The following ZDHHC24 variants were observed in gnomAD, a reference collection of about 807,000 sequenced individuals.
The protein encoded by ZDHHC24 is zDHHC palmitoyltransferase 24, also known as probable palmitoyltransferase ZDHHC24.
Under a neutral mutation model 23.2 loss-of-function variants are expected in ZDHHC24, and 17 were observed. That is an observed-to-expected ratio of 0.73 (90% CI 0.50 to 1.10). ZDHHC24 has a LOEUF of 1.10. ZDHHC24 is among the 50% of genes least tolerant of loss of function. ZDHHC24 has a pLI of 0.00. For missense variants in ZDHHC24, 366 were observed against 393.0 expected (o/e 0.93, Z 0.58); for synonymous variants, 186 against 194.5 (o/e 0.96, Z 0.36).
Position 66,539,703 on chromosome 11 carries a change from T to A in ZDHHC24, c.681A>T (p.Thr227=). The change falls in exon 3 of 3, where the codon ACA becomes ACT. Residue 227 remains threonine (T), a synonymous_variant. Coordinates refer to ENST00000310442, the MANE Select transcript of ZDHHC24 (RefSeq NM_207340.3). ...HGMLLLRGQT[T]WEWARGQHSY... ...AGTGCTGGCCCCGAGCCCACTCCCA[T>A]GTGGTCTGGCCCCGCAGCAGCAGCA... 1.9e-6 allele frequency: 3 copies of A among 1,612,398 alleles called. No individual in the cohort carries two copies. In the Admixed American group the frequency reaches 5.0e-5, roughly 27 times the overall value.
intron 4 of ZDHHC24, among the ~76,000 whole-genome samples, chr11:66,521,818 T>TCGC (rs1856234625): frequency 6.9e-6 from 1 of 143,974 alleles, no homozygotes; most frequent in African/African-American, 2.6e-5. Context: ...GGTAGGAGAA[T>TCGC]CGCTTGAACC....
At chr11:66,534,520 G>A (rs1230896875), downstream of ZDHHC24, among the ~76,000 whole-genome samples, 3 of 149,158 alleles carry the variant, frequency 2.0e-5, no homozygotes, top group African/African-American at 4.9e-5. Flanking sequence ...ACTAGAGGCC[G>A]GGTATAGTGG....
Position 66,545,983 on chromosome 11 carries a change from A to G in ZDHHC24, c.21T>C (p.Ala7=). MGQPWA[A]GSTDGAPAQL... is the part of the protein sequence containing the mutation. ...GCGCGGGCGCCCCGTCCGTGCTCCCAGCCGCCCAGGGCTGCCCCATGGCCT... is the reference window on the plus strand; with the variant it reads ...GCGCGGGCGCCCCGTCCGTGCTCCCGGCCGCCCAGGGCTGCCCCATGGCCT... The change falls in exon 1 of 3, where the codon GCT becomes GCC. Residue 7 remains alanine (A), a synonymous_variant. Coordinates refer to ENST00000310442, the MANE Select transcript of ZDHHC24 (RefSeq NM_207340.3). This position sits in a 1 kb window ranked among gnomAD's most constrained non-coding sequence, Gnocchi z 4.5. The G allele has an allele frequency of 7.1e-7, 1 of 1,417,950 alleles. No homozygotes were observed. The highest frequency in any genetic ancestry group is 9.1e-7 in the Non-Finnish European group (1 of 1,100,372). 87.8% of individuals were successfully genotyped at this position (1,417,950 alleles called of 1,614,324 possible). A position where few individuals can be genotyped will look rare whatever the true frequency, so the allele number is the denominator to read the frequency against.
In ZDHHC24 at chr11:66,526,632, A is replaced by G. The variant is rs376220397; in HGVS notation, c.*21+304T>C. Reference sequence around the variant, plus strand: ...AACTGGGGAGGACAAATCCATTTCCACTGTCCACTTCCCTAGGTGGTGGCC... The same window carrying G: ...AACTGGGGAGGACAAATCCATTTCCGCTGTCCACTTCCCTAGGTGGTGGCC... On this transcript the variant is annotated intron_variant, in intron 4 of 4. Transcript: ENST00000526986. The G allele has an allele frequency of 5.6e-6, 9 of 1,614,052 alleles. No homozygotes were observed. The highest frequency in any genetic ancestry group is 1.1e-5 in the South Asian group (1 of 91,086).
intron 3 of ZDHHC24, chr11:66,527,793 A>T (rs796684539): frequency 2.0e-5 from 3 of 152,228 alleles, no homozygotes; most frequent in African/African-American, 7.2e-5. Flanking sequence ...GAGCACACAG[A>T]GGGAGTAAGG....
At chr11:66,541,079 C>T (rs992484598) in intron 2 of ZDHHC24, among the ~76,000 whole-genome samples, 2 of 152,072 alleles carry the variant, frequency 1.3e-5, no homozygotes, top group Non-Finnish European at 2.9e-5. Context: ...CATGAATGTA[C>T]TAAAAGCCAC....
At chr11:66,529,631 C>A in intron 2 of ZDHHC24, 1 of 737,226 alleles carries the variant, frequency 1.4e-6, no homozygotes, top group South Asian at 1.6e-5. Flanking sequence ...AGAGGCAGGG[C>A]GAGGCCACGG....
At chr11:66,527,307 G>T (rs1035199120) in intron 3 of ZDHHC24, among the ~76,000 whole-genome samples, 1 of 151,584 alleles carries the variant, frequency 6.6e-6, no homozygotes, top group African/African-American at 2.4e-5. Flanking sequence ...TTCATTCATC[G>T]TTCGTTCATT....
Position 66,545,335 on chromosome 11 carries a change from G to A in ZDHHC24, c.281+388C>T, listed in dbSNP as rs558586945. ...ATTACAGATGTGAGCCAACGCACCCGGCCTAACCACCTATTTAATATTGAA... is the reference window on the plus strand; with the variant it reads ...ATTACAGATGTGAGCCAACGCACCCAGCCTAACCACCTATTTAATATTGAA... On this transcript the variant is annotated intron_variant, in intron 1 of 2. Coordinates refer to ENST00000310442, the MANE Select transcript of ZDHHC24 (RefSeq NM_207340.3). This position sits in a 1 kb window ranked among gnomAD's most constrained non-coding sequence, Gnocchi z 4.5. Among the ~76,000 whole-genome samples, 35 of 152,192 alleles carry A rather than the reference G, an allele frequency of 2.3e-4. No individual in the cohort carries two copies. Among genetic ancestry groups the A allele is most frequent in the Non-Finnish European group, 4.1e-4 (28 of 68,004 alleles).
intron 3 of ZDHHC24, chr11:66,527,207 C>CAA (rs201003949): frequency 1.8e-3 from 795 of 445,126 alleles, no homozygotes; most frequent in East Asian, 5.3e-3. Context: ...ACTTCTTTCT[C>CAA]AAAAAAAAAA....
At position 66,545,746 on chromosome 11, in the gene ZDHHC24, G is replaced by C. The variant is rs751629540; in HGVS notation, c.258C>G (p.Gly86=). The C allele has an allele frequency of 6.3e-7, 1 of 1,584,624 alleles. No individual in the cohort carries two copies. The highest frequency in any genetic ancestry group is 1.1e-5 in the South Asian group (1 of 87,992). Residue 86 remains glycine (G), a synonymous_variant, in exon 1 of 3, where the codon GGC becomes GGG. Coordinates refer to ENST00000310442, the MANE Select transcript of ZDHHC24 (RefSeq NM_207340.3). This position sits in a 1 kb window ranked among gnomAD's most constrained non-coding sequence, Gnocchi z 4.5. ...DPSIRGVMLA[G]RGLGQGWAYC... is the part of the protein sequence containing the mutation. ...ACGCCCAGCCCTGGCCCAGACCGCGGCCGGCCAGCATCACGCCACGGATGC... is the reference window on the plus strand; with the variant it reads ...ACGCCCAGCCCTGGCCCAGACCGCGCCCGGCCAGCATCACGCCACGGATGC...
In ZDHHC24 at chr11:66,539,697, C is replaced by T. The variant is rs765117639; in HGVS notation, c.687G>A (p.Glu229=). The T allele has an allele frequency of 1.1e-5, 17 of 1,612,118 alleles. No individual in the cohort carries two copies. In the Admixed American group the frequency reaches 2.8e-4, roughly 27 times the overall value. ...MLLLRGQTTW[E]WARGQHSYDL... is the part of the protein sequence containing the mutation. Reference sequence around the variant, plus strand: ...CATAGGAGTGCTGGCCCCGAGCCCACTCCCATGTGGTCTGGCCCCGCAGCA... The same window carrying T: ...CATAGGAGTGCTGGCCCCGAGCCCATTCCCATGTGGTCTGGCCCCGCAGCA... The change falls in exon 3 of 3, where the codon GAG becomes GAA. Residue 229 remains glutamate (E), a synonymous_variant. Coordinates refer to ENST00000310442, the MANE Select transcript of ZDHHC24 (RefSeq NM_207340.3).
At chr11:66,543,037 C>G (rs774102188) in intron 2 of ZDHHC24, among the ~76,000 whole-genome samples, 17 of 151,908 alleles carry the variant, frequency 1.1e-4, no homozygotes, top group Non-Finnish European at 2.1e-4. Context: ...ACAGAGGGAA[C>G]CATGGAAAGG....
At position 66,541,194 on chromosome 11, in the gene ZDHHC24, G is replaced by C. The variant is rs550795264; in HGVS notation, c.560-1370C>G. Among the ~76,000 whole-genome samples, 13 of 151,906 alleles carry C rather than the reference G, an allele frequency of 8.6e-5. No individual in the cohort carries two copies. In the East Asian group the frequency reaches 2.1e-3, roughly 25 times the overall value. On this transcript the variant is annotated intron_variant, in intron 2 of 2. Coordinates refer to ENST00000310442, the MANE Select transcript of ZDHHC24 (RefSeq NM_207340.3). The stretch of plus-strand genomic sequence containing the variant: ...AGGCAGGTGGATCACCTGAGGTCAG[G>C]AGTTCCAGACCAGCCTGGCCAACAT...
At position 66,539,744 on chromosome 11, in the gene ZDHHC24, G is replaced by A. The variant is rs1368058468; in HGVS notation, c.640C>T (p.Leu214=). 1 of 1,613,126 alleles carries A rather than the reference G, an allele frequency of 6.2e-7. No individual in the cohort carries two copies. The highest frequency in any genetic ancestry group is 2.2e-5 in the East Asian group (1 of 44,874). The change falls in exon 3 of 3, where the codon CTG becomes TTG. Residue 214 remains leucine, a synonymous_variant. Coordinates refer to ENST00000310442, the MANE Select transcript of ZDHHC24 (RefSeq NM_207340.3). ...AGCAGCAGCATCCCATGGAAGAGCA[G>A]CCCAGCCCCGCACAGCAGCGCACCC... ...VAGALLCGAG[L]LFHGMLLLRG... is the part of the protein sequence containing the mutation.
rs1856981853 is a variant in ZDHHC24, at chr11:66,536,797, C to G, written c.*2732G>C. ...GCTGCAGCAGGAGAATCGCTTGAAC[C>G]CGGGAGGCGGAGGTTTCGGTGAACC... is the stretch of plus-strand genomic sequence containing the variant. On this transcript the variant is annotated 3_prime_UTR_variant, in exon 3 of 3. Transcript: ENST00000310442. 6.6e-6 allele frequency: 1 copy of G among 151,426 alleles called. No individual in the cohort carries two copies. 9.4% of individuals were successfully genotyped at this position (151,426 alleles called of 1,614,324 possible).
At chr11:66,539,900 C>A in intron 2 of ZDHHC24, 76 bp from the exon 3 acceptor site, 1 of 1,365,840 alleles carries the variant, frequency 7.3e-7, no homozygotes. Context: ...CCCTCCACCA[C>A]AAAGCAGGGC....
downstream of ZDHHC24, chr11:66,531,999 G>T (rs111358560): frequency 6.2e-7 from 1 of 1,608,264 alleles, no homozygotes; most frequent in Non-Finnish European, 8.5e-7. Context: ...GAGTGCCCAC[G>T]TCAACATGCC....
rs1467014417 is a variant in ZDHHC24, at chr11:66,537,309, A to ATGTGGGTGGGG, written c.*2209_*2219dup. The ATGTGGGTGGGG allele has an allele frequency of 6.6e-6, 1 of 151,774 alleles. No individual in the cohort carries two copies. The highest frequency in any genetic ancestry group is 1.5e-5 in the Non-Finnish European group (1 of 67,922). 9.4% of individuals were successfully genotyped at this position (151,774 alleles called of 1,614,324 possible). On this transcript the variant is annotated 3_prime_UTR_variant, in exon 3 of 3. Coordinates refer to ENST00000310442, the MANE Select transcript of ZDHHC24 (RefSeq NM_207340.3). ...CAGAGGTGTAGCTGCTGGCTGCATG[A>ATGTGGGTGGGG]TGTGGGTGGGGTGTGGGTGGGATGT...
Sources: allele counts gnomAD v4.1 joint callset (sites outside exome capture counted in the v4.1 genomes callset), GRCh38; gene constraint gnomAD v4.1.1; non-coding constraint Gnocchi (gnomAD v3.1); transcripts MANE v1.5; gene names NCBI Gene and HGNC (gene_info 2026-07-23, HGNC 2026-07-21).